The following ZFPM2 variants were observed in gnomAD, a reference collection of about 807,000 sequenced individuals.
ZFPM2 encodes zinc finger protein, FOG family member 2.
Under a neutral mutation model 98.6 loss-of-function variants are expected in ZFPM2, and 20 were observed. That is an observed-to-expected ratio of 0.20 (90% confidence interval 0.14 to 0.29). The LOEUF (loss-of-function observed/expected upper bound fraction) is 0.29. Among genes scored for constraint, ZFPM2 ranks in the 10% least tolerant of loss-of-function variants. ZFPM2 has a pLI of 1.00. For missense variants in ZFPM2, 1,310 were observed against 1,388.6 expected (o/e 0.94, Z 0.90); for synonymous variants, 518 against 502.7 (o/e 1.03, Z -0.41).
At chr8:105,473,158 C>G (rs1249161128) in intron 3 of ZFPM2, among the ~76,000 whole-genome samples, 1 of 152,064 alleles carries the variant, frequency 6.6e-6, no homozygotes, top group Non-Finnish European at 1.5e-5. Flanking sequence ...TGCCTTGCTT[C>G]CCAGTGTGCT....
At chr8:105,411,238 A>G (rs1046272679) in intron 1 of ZFPM2, among the ~76,000 whole-genome samples, 3 of 151,830 alleles carry the variant, frequency 2.0e-5, no homozygotes, top group Non-Finnish European at 4.4e-5. Context: ...AAATGTGGGT[A>G]AGATAGAATT....
In ZFPM2 at chr8:105,794,189, C is replaced by T. The variant is rs535300082; in HGVS notation, c.740-4535C>T. ...TTCCAGTTTTTCTGCTTTGTTTTTT[C>T]CCCATCTTTGTGGTTTTATCTACTT... On this transcript the variant is annotated intron_variant, in intron 6 of 7. Coordinates refer to ENST00000407775, the MANE Select transcript of ZFPM2 (RefSeq NM_012082.4). 2.5e-3 allele frequency among the ~76,000 whole-genome samples: 387 copies of T among 152,094 alleles called. 2 individuals are homozygous for T. The highest frequency in any genetic ancestry group is 8.4e-3 in the African/African-American group (349 of 41,470).
intron 5 of ZFPM2, among the ~76,000 whole-genome samples, chr8:105,691,638 T>G (rs1384620858): frequency 2.6e-5 from 4 of 152,216 alleles, no homozygotes; most frequent in African/African-American, 7.2e-5. Flanking sequence ...ATCATAATGT[T>G]TTGTTTCCTT....
chr8:105,794,570 T>G (rs562046289), intron 6 of ZFPM2, among the ~76,000 whole-genome samples: 1 of 152,306 alleles, frequency 6.6e-6, no homozygotes, highest in South Asian at 2.1e-4. Flanking sequence ...GGTTCTCAGA[T>G]CTCCAGCTGC....
At chr8:105,738,077 CT>C (rs1192426918) in intron 5 of ZFPM2, among the ~76,000 whole-genome samples, 16 of 151,878 alleles carry the variant, frequency 1.1e-4, no homozygotes, top group African/African-American at 3.1e-4. Context: ...TATAACTAAA[CT>C]TGTGTCATGG....
At chr8:105,434,036 A>C (rs2130157732) in intron 2 of ZFPM2, among the ~76,000 whole-genome samples, 1 of 152,316 alleles carries the variant, frequency 6.6e-6, no homozygotes, top group Admixed American at 6.5e-5. Context: ...CATTTTTAAA[A>C]AATAATTGTA....
intron 1 of ZFPM2, among the ~76,000 whole-genome samples, chr8:105,326,930 T>C (rs1053462753): frequency 7.3e-5 from 11 of 151,056 alleles, no homozygotes; most frequent in African/African-American, 2.7e-4. Context: ...CTATAACACC[T>C]AGTTTTTGTG....
At chr8:105,782,055 G>T (rs541393136) in intron 5 of ZFPM2, among the ~76,000 whole-genome samples, 24 of 152,114 alleles carry the variant, frequency 1.6e-4, no homozygotes, top group Admixed American at 5.9e-4. Flanking sequence ...GTGTGACTTT[G>T]AACAACTTAC....
At chr8:105,569,744 A>T (rs1220183893) in intron 4 of ZFPM2, among the ~76,000 whole-genome samples, 1 of 152,134 alleles carries the variant, frequency 6.6e-6, no homozygotes, top group African/African-American at 2.4e-5. Flanking sequence ...GAAGGCCAAG[A>T]AGGTGTTCTG....
chr8:105,503,506 G>T (rs1437762998), intron 3 of ZFPM2, among the ~76,000 whole-genome samples: 1 of 152,174 alleles, frequency 6.6e-6, no homozygotes, highest in African/African-American at 2.4e-5. Flanking sequence ...TAAAGACCAT[G>T]GGAATGAGAC....
chr8:105,733,757 T>C (rs1811999688), intron 5 of ZFPM2, among the ~76,000 whole-genome samples: 1 of 151,888 alleles, frequency 6.6e-6, no homozygotes, highest in Non-Finnish European at 1.5e-5. Flanking sequence ...TACAAAACAC[T>C]GCCCCTATCT....
chr8:105,419,509 A>G (rs1368901422), intron 2 of ZFPM2, among the ~76,000 whole-genome samples: 1 of 152,172 alleles, frequency 6.6e-6, no homozygotes, highest in East Asian at 1.9e-4. Flanking sequence ...TGAAACAAAT[A>G]TTTTCATGTT....
At chr8:105,442,936 T>C (rs1278634350) in intron 2 of ZFPM2, among the ~76,000 whole-genome samples, 7 of 151,760 alleles carry the variant, frequency 4.6e-5, no homozygotes, top group Admixed American at 4.6e-4. Flanking sequence ...ATTTAAGTGG[T>C]ATTAGAGAGT....
At chr8:105,438,968 G>A (rs1429674432) in intron 2 of ZFPM2, among the ~76,000 whole-genome samples, 1 of 152,006 alleles carries the variant, frequency 6.6e-6, no homozygotes, top group African/African-American at 2.4e-5. Flanking sequence ...CTGCTCTCAT[G>A]CATATTGCCT....
At chr8:105,395,903 G>A (rs1586342189) in intron 1 of ZFPM2, among the ~76,000 whole-genome samples, 1 of 152,254 alleles carries the variant, frequency 6.6e-6, no homozygotes, top group African/African-American at 2.4e-5. Context: ...TTGTAGGCAC[G>A]AGCCAGTCAT....
intron 3 of ZFPM2, among the ~76,000 whole-genome samples, chr8:105,549,634 CAG>C (rs1455511636): frequency 2.0e-5 from 3 of 147,752 alleles, no homozygotes; most frequent in Non-Finnish European, 4.5e-5. Flanking sequence ...TTAATTGAGA[CAG>C]GGGCTCACTC....
intron 2 of ZFPM2, among the ~76,000 whole-genome samples, chr8:105,430,976 T>C (rs1003712742): frequency 6.6e-6 from 1 of 150,636 alleles, no homozygotes; most frequent in Non-Finnish European, 1.5e-5. Flanking sequence ...CGATCTCGGC[T>C]CAGTGCAACC....
intron 5 of ZFPM2, among the ~76,000 whole-genome samples, chr8:105,664,780 T>C (rs1171127078): frequency 6.6e-6 from 1 of 152,150 alleles, no homozygotes. Flanking sequence ...TGATTAGTAA[T>C]AGGCAGAGAC....
chr8:105,372,144 G>A (rs916341226), intron 1 of ZFPM2, among the ~76,000 whole-genome samples: 11 of 152,002 alleles, frequency 7.2e-5, no homozygotes, highest in East Asian at 3.9e-4. Flanking sequence ...CTGGGTTCAC[G>A]CCATTCTCCT....
Sources: gnomAD v4.1 joint callset for allele counts (sites outside exome capture counted in the v4.1 genomes callset) on GRCh38, gnomAD v4.1.1 for gene constraint, MANE v1.5 for transcripts, NCBI Gene and HGNC (gene_info 2026-07-23, HGNC 2026-07-21) for gene names.